The following SPOCK3 variants were observed in gnomAD, a reference collection of about 807,000 sequenced individuals.
The protein encoded by SPOCK3 is SPARC (osteonectin), cwcv and kazal like domains proteoglycan 3.
Under a neutral mutation model 56.6 loss-of-function variants are expected in SPOCK3, and 30 were observed. The ratio of observed to expected loss-of-function variants is 0.53; its 90% CI spans 0.40 to 0.72. The LOEUF (loss-of-function observed/expected upper bound fraction) is 0.72. Ranked by LOEUF, SPOCK3 falls within the 30% of genes least tolerant of loss-of-function variation. The pLI is 0.00. For synonymous variants in SPOCK3, 196 were observed against 183.3 expected (o/e 1.07, Z -0.56); for missense variants, 527 against 530.0 (o/e 0.99, Z 0.06).
At chr4:167,071,735 C>T (rs1292147777) in intron 2 of SPOCK3, among the ~76,000 whole-genome samples, 2 of 151,974 alleles carry the variant, frequency 1.3e-5, no homozygotes, top group African/African-American at 2.4e-5. Flanking sequence ...TGGATATATA[C>T]CCAGTAATGG....
chr4:166,983,762 C>A (rs764577345), intron 4 of SPOCK3, among the ~76,000 whole-genome samples: 4 of 151,868 alleles, frequency 2.6e-5, no homozygotes, highest in Non-Finnish European at 5.9e-5. Context: ...ATGTATATTG[C>A]CCCTATGTGG....
chr4:167,108,212 T>G (rs570850997), intron 2 of SPOCK3, among the ~76,000 whole-genome samples: 24 of 152,006 alleles, frequency 1.6e-4, no homozygotes, highest in African/African-American at 4.8e-4. Flanking sequence ...GGTGGGAATG[T>G]AAATTACTAT....
chr4:166,921,447 G>A (rs1180687347), intron 4 of SPOCK3, among the ~76,000 whole-genome samples: 1 of 151,570 alleles, frequency 6.6e-6, no homozygotes, highest in African/African-American at 2.4e-5. Context: ...GCCTGCTGTA[G>A]CTGGCACTAT....
intron 2 of SPOCK3, among the ~76,000 whole-genome samples, chr4:167,106,945 A>T (rs1760218049): frequency 6.6e-6 from 1 of 151,934 alleles, no homozygotes; most frequent in Non-Finnish European, 1.5e-5. Context: ...ACCTACCAAG[A>T]TTGAACAAGG....
chr4:167,166,252 AT>A, intron 2 of SPOCK3, among the ~76,000 whole-genome samples: 1 of 152,238 alleles, frequency 6.6e-6, no homozygotes, highest in East Asian at 1.9e-4. Flanking sequence ...CAGAAAAAAA[AT>A]CTTTTTAAAA....
intron 6 of SPOCK3, among the ~76,000 whole-genome samples, chr4:166,887,980 C>T (rs568357756): frequency 4.0e-5 from 6 of 151,804 alleles, no homozygotes; most frequent in South Asian, 2.1e-4. Flanking sequence ...ATTTTCAAAT[C>T]GGCTAATTTA....
intron 2 of SPOCK3, among the ~76,000 whole-genome samples, chr4:167,211,793 A>T (rs1159653867): frequency 6.6e-6 from 1 of 152,158 alleles, no homozygotes; most frequent in East Asian, 1.9e-4. Context: ...AAGGACTAAT[A>T]CATGTACATA....
intron 2 of SPOCK3, among the ~76,000 whole-genome samples, chr4:167,186,673 T>C (rs1285581557): frequency 6.6e-6 from 1 of 150,938 alleles, no homozygotes; most frequent in Non-Finnish European, 1.5e-5. Context: ...AGAAAACAAA[T>C]CTCTATTCAA....
intron 4 of SPOCK3, among the ~76,000 whole-genome samples, chr4:166,932,302 TA>T (rs1739878418): frequency 6.6e-6 from 1 of 152,184 alleles, no homozygotes; most frequent in East Asian, 1.9e-4. Context: ...AGAAAATTCC[TA>T]AAGTGTGTAC....
intron 6 of SPOCK3, among the ~76,000 whole-genome samples, chr4:166,806,247 C>T (rs1743154095): frequency 6.6e-6 from 1 of 152,034 alleles, no homozygotes; most frequent in African/African-American, 2.4e-5. Context: ...AAATACTTCA[C>T]ATGGCTCAAG....
chr4:167,118,176 T>C (rs1478526161), intron 2 of SPOCK3, among the ~76,000 whole-genome samples: 1 of 152,170 alleles, frequency 6.6e-6, no homozygotes, highest in African/African-American at 2.4e-5. Flanking sequence ...GTATTGAATG[T>C]GATGTTTCTT....
chr4:167,161,599 A>G (rs1765311474), intron 2 of SPOCK3, among the ~76,000 whole-genome samples: 1 of 152,192 alleles, frequency 6.6e-6, no homozygotes, highest in Admixed American at 6.6e-5. Flanking sequence ...ACGTATGGTT[A>G]TTGCGGCACT....
intron 2 of SPOCK3, among the ~76,000 whole-genome samples, chr4:167,181,703 T>G (rs896048315): frequency 6.6e-6 from 1 of 152,314 alleles, no homozygotes; most frequent in African/African-American, 2.4e-5. Context: ...GAAAGCTCTT[T>G]AATTAAATAA....
intron 2 of SPOCK3, among the ~76,000 whole-genome samples, chr4:167,087,267 G>A (rs945664916): frequency 2.6e-5 from 4 of 151,962 alleles, no homozygotes; most frequent in African/African-American, 9.7e-5. Flanking sequence ...ACATGCCCAA[G>A]ACCACAGAGC....
chr4:167,062,416 C>A (rs1755697793), intron 3 of SPOCK3, 76 bp downstream of exon 3: 2 of 1,134,562 alleles, frequency 1.8e-6, no homozygotes. Flanking sequence ...CCTAACCAGA[C>A]AGTAAATATC....
chr4:167,098,232 A>T (rs1293768458), intron 2 of SPOCK3, among the ~76,000 whole-genome samples: 1 of 152,038 alleles, frequency 6.6e-6, no homozygotes. Context: ...AGAACCAAGA[A>T]GGAATCTTTC....
chr4:167,036,644 CTA>C (rs1256918364), intron 3 of SPOCK3, among the ~76,000 whole-genome samples: 1 of 151,982 alleles, frequency 6.6e-6, no homozygotes, highest in African/African-American at 2.4e-5. Context: ...CTTTTAAATT[CTA>C]TGTTTTTTTA....
Position 166,928,559 on chromosome 4 carries a change from G to A in SPOCK3, c.351-15816C>T, listed in dbSNP as rs556207328. Reference sequence around the variant, plus strand: ...GGAAAGGATGAATAGGCAGATCACAGAAGACTTTTAGTGGAGTGAAACTAC... The same window carrying A: ...GGAAAGGATGAATAGGCAGATCACAAAAGACTTTTAGTGGAGTGAAACTAC... On this transcript the variant is annotated intron_variant, in intron 4 of 10. Transcript: ENST00000357545. Among the ~76,000 whole-genome samples the A allele has an allele frequency of 3.3e-5, 5 of 152,304 alleles. No homozygotes were observed. The East Asian group carries it at 7.7e-4, about 24-fold the overall frequency.
At chr4:167,088,497 A>T (rs1758407900) in intron 2 of SPOCK3, among the ~76,000 whole-genome samples, 1 of 126,454 alleles carries the variant, frequency 7.9e-6, no homozygotes, top group African/African-American at 3.1e-5. Flanking sequence ...ATGGAATCTC[A>T]CTTGGTCACC....
Sources: gnomAD v4.1 joint callset for allele counts (sites outside exome capture counted in the v4.1 genomes callset) on GRCh38, gnomAD v4.1.1 for gene constraint, MANE v1.5 for transcripts, NCBI Gene and HGNC (gene_info 2026-07-23, HGNC 2026-07-21) for gene names.